The following ASB3 variants were observed in gnomAD, a reference collection of about 807,000 sequenced individuals.
ASB3 encodes the protein ankyrin repeat and SOCS box protein 3.
A neutral mutation model predicts 54.5 loss-of-function variants in ASB3; 41 were observed. The ratio of observed to expected loss-of-function variants is 0.75; its 90% CI spans 0.59 to 0.98. The LOEUF is 0.98. ASB3 is among the 50% of genes least tolerant of loss of function. The pLI, the probability that ASB3 is intolerant of heterozygous loss-of-function variation, is 0.00. For synonymous variants in ASB3, 266 were observed against 221.2 expected, an observed-to-expected ratio of 1.20 and a Z score of -1.80; for missense variants, 733 against 620.0, an observed-to-expected ratio of 1.18 and a Z score of -1.94.
intron 3 of ASB3, among the ~76,000 whole-genome samples, chr2:53,744,384 C>CAAAAAA (rs779225958): frequency 2.0e-4 from 28 of 139,824 alleles, no homozygotes; most frequent in African/African-American, 4.2e-4. Flanking sequence ...GACTCTGTCT[C>CAAAAAA]AAAAAAATAA....
At chr2:53,697,824 C>T (rs1192592126) in intron 8 of ASB3, among the ~76,000 whole-genome samples, 1 of 152,204 alleles carries the variant, frequency 6.6e-6, no homozygotes, top group African/African-American at 2.4e-5. Flanking sequence ...GCCTCCACTA[C>T]CTCAGGAAGC....
intron 8 of ASB3, among the ~76,000 whole-genome samples, chr2:53,697,351 A>C (rs1372876775): frequency 6.6e-6 from 1 of 152,244 alleles, no homozygotes; most frequent in African/African-American, 2.4e-5. Context: ...AGTAACAATA[A>C]GTATAAGCAG....
At chr2:53,734,597 T>C (rs1283265648) in intron 3 of ASB3, among the ~76,000 whole-genome samples, 10 of 152,216 alleles carry the variant, frequency 6.6e-5, no homozygotes, top group Admixed American at 1.3e-4. Context: ...TTTAATCACT[T>C]AATCAATAAC....
chr2:53,682,079 G>C (rs1668403214), intron 9 of ASB3, among the ~76,000 whole-genome samples: 1 of 150,626 alleles, frequency 6.6e-6, no homozygotes, highest in Non-Finnish European at 1.5e-5. Flanking sequence ...AGAATTGCTT[G>C]AATCCGGGAG....
intron 3 of ASB3, among the ~76,000 whole-genome samples, chr2:53,747,972 A>C (rs1045781111): frequency 6.6e-6 from 1 of 152,218 alleles, no homozygotes; most frequent in Non-Finnish European, 1.5e-5. Context: ...TAGTTCACTG[A>C]ATCAGTTTTC....
intron 7 of ASB3, among the ~76,000 whole-genome samples, chr2:53,708,845 C>G: frequency 6.6e-6 from 1 of 152,156 alleles, no homozygotes; most frequent in Non-Finnish European, 1.5e-5. Flanking sequence ...TTCTAAGCAG[C>G]AAAGCAGCCT....
chr2:53,736,481 G>A (rs1250718843), intron 3 of ASB3, among the ~76,000 whole-genome samples: 6 of 151,386 alleles, frequency 4.0e-5, no homozygotes, highest in South Asian at 4.2e-4. Context: ...GGCGGATCGC[G>A]AGGTCAGGAA....
chr2:53,750,803 T>C lies in ASB3; in HGVS notation c.335A>G (p.Glu112Gly). ...CTTACCTAAAAACAATGGTGTCGTTTCTTCTAAAGTAGTTGCATTAGGATC... is the reference window on the plus strand; with the variant it reads ...CTTACCTAAAAACAATGGTGTCGTTCCTTCTAAAGTAGTTGCATTAGGATC... Reference protein sequence around the residue: ...GADPNATTLEETTPLFLAVEN... With the variant: ...GADPNATTLEGTTPLFLAVEN... The change falls in exon 3 of 10, where the codon GAA becomes GGA. Residue 112 changes from glutamate to glycine, a missense_variant. Glu to Gly is a moderately conservative substitution (Grantham distance 98). Coordinates refer to ENST00000263634, the MANE Select transcript of ASB3 (RefSeq NM_016115.5). 1.3e-6 allele frequency: 2 copies of C among 1,572,458 alleles called. No individual in the cohort carries two copies. The highest frequency in any genetic ancestry group is 3.8e-5 in the Admixed American group (2 of 52,738).
intron 9 of ASB3, among the ~76,000 whole-genome samples, chr2:53,686,692 C>A (rs1032329222): frequency 6.6e-6 from 1 of 152,042 alleles, no homozygotes; most frequent in Non-Finnish European, 1.5e-5. Flanking sequence ...TACTCTAAGG[C>A]CATAATTTCT....
intron 9 of ASB3, among the ~76,000 whole-genome samples, chr2:53,681,137 G>A (rs1668348898): frequency 6.6e-6 from 1 of 152,064 alleles, no homozygotes; most frequent in African/African-American, 2.4e-5. Flanking sequence ...ATCTTTTAAT[G>A]GACACCAGTT....
chr2:53,683,840 A>T (rs1233487137), intron 9 of ASB3, among the ~76,000 whole-genome samples: 1 of 151,534 alleles, frequency 6.6e-6, no homozygotes. Context: ...TTTTATTTGG[A>T]TCTTTTTTTC....
intron 3 of ASB3, among the ~76,000 whole-genome samples, chr2:53,745,835 A>G (rs1201591529): frequency 6.6e-6 from 1 of 152,270 alleles, no homozygotes; most frequent in Non-Finnish European, 1.5e-5. Flanking sequence ...AAGCTATTCT[A>G]GACAGGTTAA....
At chr2:53,683,812 CTTCTTT>C (rs1668502488) in intron 9 of ASB3, among the ~76,000 whole-genome samples, 2 of 151,960 alleles carry the variant, frequency 1.3e-5, no homozygotes, top group Non-Finnish European at 2.9e-5. Flanking sequence ...GTTATAATGT[CTTCTTT>C]TTCTTCTCTG....
chr2:53,729,490 C>A lies in ASB3; in HGVS notation c.436G>T (p.Gly146Ter). Residue 146 changes from glycine (G) to a stop codon, truncating the protein, a stop_gained, in exon 4 of 10, where the codon GGA becomes TGA. Transcript: ENST00000263634. LOFTEE classifies it high-confidence loss of function. ...ANVNGSHSMC[G>*]WNSLHQASFQ... Reference sequence around the variant, plus strand: ...GAAGCCTGGTGCAAGGAGTTCCATCCACACATAGAATGGGATCCATTAACA... The same window carrying A: ...GAAGCCTGGTGCAAGGAGTTCCATCAACACATAGAATGGGATCCATTAACA... 6.2e-7 allele frequency: 1 copy of A among 1,613,868 alleles called. No homozygotes were observed. The highest frequency in any genetic ancestry group is 8.5e-7 in the Non-Finnish European group (1 of 1,179,814).
intron 8 of ASB3, among the ~76,000 whole-genome samples, chr2:53,699,741 C>T (rs1669380937): frequency 8.1e-6 from 1 of 123,444 alleles, no homozygotes; most frequent in Non-Finnish European, 1.7e-5. Flanking sequence ...TTCTTCTTGC[C>T]CCCCAAAAAA....
Position 53,746,485 on chromosome 2 carries a change from CT to C in ASB3, c.355+4297del, listed in dbSNP as rs371241627. Among the ~76,000 whole-genome samples, 916 of 138,916 alleles carry C rather than the reference CT, an allele frequency of 6.6e-3. 2 individuals are homozygous for C. Among genetic ancestry groups the C allele is most frequent in the Admixed American group, 0.01 (139 of 13,866 alleles). 91.1% of individuals were successfully genotyped at this position (138,916 alleles called of 152,430 possible). On this transcript the variant is annotated intron_variant, in intron 3 of 9. Transcript: ENST00000263634. ...CACACTGTTTTTTGGGGGGTTTTTT[CT>C]TTTTTTTTTTTTTGAGACAGAGTTA...
At chr2:53,758,974 T>C (rs1177564308) in intron 2 of ASB3, among the ~76,000 whole-genome samples, 2 of 152,190 alleles carry the variant, frequency 1.3e-5, no homozygotes, top group Non-Finnish European at 2.9e-5. Context: ...GATGGCTATA[T>C]TGATGTTTTA....
Position 53,783,984 on chromosome 2 carries a change from G to C in ASB3, c.-14+2837C>G, listed in dbSNP as rs536780789. Among the ~76,000 whole-genome samples the C allele has an allele frequency of 7.2e-5, 11 of 152,306 alleles. 1 individual carries two copies. Among genetic ancestry groups the C allele is most frequent in the African/African-American group, 2.4e-4 (10 of 41,558 alleles). ...ATGCAACTGACTTGTAAAGCAACTAGTCTAAATTACATGTGTGAGAGCTGG... is the reference window on the plus strand; with the variant it reads ...ATGCAACTGACTTGTAAAGCAACTACTCTAAATTACATGTGTGAGAGCTGG... On this transcript the variant is annotated intron_variant, in intron 1 of 9. Transcript: ENST00000263634.
chr2:53,678,415 C>T (rs546907388), intron 9 of ASB3, among the ~76,000 whole-genome samples: 1 of 152,342 alleles, frequency 6.6e-6, no homozygotes, highest in South Asian at 2.1e-4. Context: ...TGTTGGTTCA[C>T]TTGTGCTTGC....
Sources: allele counts gnomAD v4.1 joint callset (sites outside exome capture counted in the v4.1 genomes callset), GRCh38; gene constraint gnomAD v4.1.1; transcripts MANE v1.5; gene names NCBI Gene and HGNC (gene_info 2026-07-23, HGNC 2026-07-21).